The following NPFFR2 variants were observed in gnomAD, a reference collection of about 807,000 sequenced individuals.
NPFFR2 encodes neuropeptide FF receptor 2.
A neutral mutation model predicts 13.1 loss-of-function variants in NPFFR2; 15 were observed. The ratio of observed to expected loss-of-function variants is 1.15; its 90% CI spans 0.77 to 1.76. NPFFR2 has a LOEUF of 1.76. NPFFR2 is among the 40% of genes most tolerant of loss of function. The pLI, the probability that NPFFR2 is intolerant of heterozygous loss-of-function variation, is 0.00. For synonymous variants in NPFFR2, 190 were observed against 175.7 expected (o/e 1.08, Z -0.65); for missense variants, 572 against 503.5 (o/e 1.14, Z -1.30).
chr4:72,112,604 C>A (rs542346708), intron 1 of NPFFR2, among the ~76,000 whole-genome samples: 1 of 151,964 alleles, frequency 6.6e-6, no homozygotes, highest in African/African-American at 2.4e-5. Context: ...AAATTGATTG[C>A]GTCTTTCTGA....
At chr4:72,135,208 C>A (rs1722372401) in intron 2 of NPFFR2, among the ~76,000 whole-genome samples, 1 of 152,096 alleles carries the variant, frequency 6.6e-6, no homozygotes, top group Non-Finnish European at 1.5e-5. Flanking sequence ...TTCCCTTTAT[C>A]CCTAATGTTC....
chr4:72,075,677 A>C (rs561628460), intron 1 of NPFFR2, among the ~76,000 whole-genome samples: 2 of 152,074 alleles, frequency 1.3e-5, no homozygotes, highest in South Asian at 4.1e-4. Flanking sequence ...ACAAAATAAC[A>C]AATACTGTAT....
intron 1 of NPFFR2, among the ~76,000 whole-genome samples, chr4:72,126,738 G>A (rs1358463607): frequency 6.6e-6 from 1 of 152,132 alleles, no homozygotes; most frequent in Non-Finnish European, 1.5e-5. Context: ...AGTCTCTAGT[G>A]AGCTTCTCTG....
chr4:72,142,556 A>T (rs1397527470), intron 3 of NPFFR2, among the ~76,000 whole-genome samples: 1 of 152,180 alleles, frequency 6.6e-6, no homozygotes, highest in East Asian at 1.9e-4. Flanking sequence ...CTATCCGGCC[A>T]TTTTGGAACG....
intron 2 of NPFFR2, among the ~76,000 whole-genome samples, chr4:72,137,678 A>C (rs541807204): frequency 6.6e-6 from 1 of 152,282 alleles, no homozygotes; most frequent in Admixed American, 6.5e-5. Flanking sequence ...CAAATTCTTA[A>C]AATGCTCCTA....
chr4:72,090,560 T>C (rs745412794), intron 1 of NPFFR2, among the ~76,000 whole-genome samples: 3 of 152,138 alleles, frequency 2.0e-5, no homozygotes, highest in Non-Finnish European at 4.4e-5. Flanking sequence ...TGTATATTCC[T>C]AAGTATTTTA....
intron 2 of NPFFR2, among the ~76,000 whole-genome samples, chr4:72,135,250 C>G (rs1437439866): frequency 6.6e-6 from 1 of 152,020 alleles, no homozygotes; most frequent in Non-Finnish European, 1.5e-5. Flanking sequence ...TTGAAGTAAG[C>G]CTTTTTATTT....
At chr4:72,046,844 T>G (rs1304786206) in intron 1 of NPFFR2, among the ~76,000 whole-genome samples, 1 of 152,194 alleles carries the variant, frequency 6.6e-6, no homozygotes, top group African/African-American at 2.4e-5. Context: ...ATTGAAATAT[T>G]AAAGGTAAAG....
At chr4:72,115,864 G>A (rs1721699003) in intron 1 of NPFFR2, among the ~76,000 whole-genome samples, 1 of 152,046 alleles carries the variant, frequency 6.6e-6, no homozygotes, top group Non-Finnish European at 1.5e-5. Flanking sequence ...AAAAGGTATT[G>A]TTGCATTAAA....
intron 1 of NPFFR2, among the ~76,000 whole-genome samples, chr4:72,088,876 G>A (rs1345540306): frequency 1.3e-5 from 2 of 151,806 alleles, no homozygotes; most frequent in Non-Finnish European, 2.9e-5. Context: ...GTGGTATTTG[G>A]TTACATGAAT....
At chr4:72,111,557 A>G (rs891631505) in intron 1 of NPFFR2, among the ~76,000 whole-genome samples, 14 of 152,026 alleles carry the variant, frequency 9.2e-5, no homozygotes, top group Admixed American at 3.9e-4. Context: ...GGGAACCAAT[A>G]ATCATACCTC....
intron 1 of NPFFR2, among the ~76,000 whole-genome samples, chr4:72,062,712 T>A (rs1481108310): frequency 6.6e-6 from 1 of 152,208 alleles, no homozygotes. Flanking sequence ...GATTCTTTCT[T>A]GCTCCTCTGC....
chr4:72,147,470 G>T lies in NPFFR2; in HGVS notation c.921G>T (p.Leu307=), dbSNP rs1470517848. The change falls in exon 4 of 4, where the codon CTG becomes CTT. Residue 307 remains leucine, a synonymous_variant. Coordinates refer to ENST00000308744, the MANE Select transcript of NPFFR2 (RefSeq NM_004885.3). The part of the protein sequence containing the change: ...SDYADLSPNE[L]QIINIYIYPF... The stretch of plus-strand genomic sequence containing the variant: ...ACGCTGACCTTTCTCCAAATGAACT[G>T]CAGATCATCAACATCTACATCTACC... 1 of 1,614,140 alleles carries T rather than the reference G, an allele frequency of 6.2e-7. No homozygotes were observed. Among genetic ancestry groups the T allele is most frequent in the Non-Finnish European group, 8.5e-7 (1 of 1,180,026 alleles).
chr4:72,131,600 A>T (rs572057433), intron 2 of NPFFR2, among the ~76,000 whole-genome samples: 1 of 152,326 alleles, frequency 6.6e-6, no homozygotes, highest in African/African-American at 2.4e-5. Context: ...GTGTAATAAA[A>T]AAAAATTGCT....
chr4:72,061,719 T>C (rs892171550), intron 1 of NPFFR2, among the ~76,000 whole-genome samples: 1 of 151,924 alleles, frequency 6.6e-6, no homozygotes, highest in African/African-American at 2.4e-5. Flanking sequence ...CACTCATAAG[T>C]AGGAGTTGAA....
intron 1 of NPFFR2, among the ~76,000 whole-genome samples, chr4:72,127,813 C>T (rs779340956): frequency 7.2e-5 from 11 of 152,122 alleles, no homozygotes; most frequent in Admixed American, 1.3e-4. Flanking sequence ...CGCACGGTGG[C>T]TCATGCCTGT....
intron 1 of NPFFR2, among the ~76,000 whole-genome samples, chr4:72,125,242 A>G (rs2109831314): frequency 6.6e-6 from 1 of 152,338 alleles, no homozygotes; most frequent in Admixed American, 6.5e-5. Context: ...ATCTCACGCC[A>G]GTTAGAATTG....
Position 72,101,093 on chromosome 4 carries a change from T to G in NPFFR2, c.-7-27492T>G, listed in dbSNP as rs373713830. 5.1e-4 allele frequency among the ~76,000 whole-genome samples: 77 copies of G among 152,192 alleles called. 3 individuals are homozygous for G. The South Asian group carries it at 0.016, about 31-fold the overall frequency. On this transcript the variant is annotated intron_variant, in intron 1 of 3. Coordinates refer to ENST00000308744, the MANE Select transcript of NPFFR2 (RefSeq NM_004885.3). ...AAATAAAAATCTACACTATTTCCAC[T>G]TATTTACATTTTAAATAATAAAATT...
At chr4:72,068,852 TTATC>T in intron 1 of NPFFR2, 3 of 284,822 alleles carry the variant, frequency 1.1e-5, no homozygotes, top group Non-Finnish European at 1.8e-5. Flanking sequence ...TTTTTTTTTT[TTATC>T]TTATCTTTTT....
Sources: gnomAD v4.1 joint callset for allele counts (sites outside exome capture counted in the v4.1 genomes callset) on GRCh38, gnomAD v4.1.1 for gene constraint, MANE v1.5 for transcripts, NCBI Gene and HGNC (gene_info 2026-07-23, HGNC 2026-07-21) for gene names.